Variants in SH3GLB1 observed in about 807,000 individuals in gnomAD.
SH3GLB1 encodes the protein SH3 domain containing GRB2 like, endophilin B1.
A neutral mutation model predicts 42.0 loss-of-function variants in SH3GLB1; 17 were observed. The observed-to-expected ratio is 0.40, with a 90% CI of 0.28 to 0.61. The LOEUF (loss-of-function observed/expected upper bound fraction) is 0.61. Ranked by LOEUF, SH3GLB1 falls within the 20% of genes least tolerant of loss-of-function variation. The probability of loss-of-function intolerance (pLI) is 0.36; values close to 1 mark genes in which losing one functional copy is unlikely to be tolerated. For missense variants in SH3GLB1, 355 were observed against 426.3 expected, an observed-to-expected ratio of 0.83 and a Z score of 1.47; for synonymous variants, 132 against 146.6, an observed-to-expected ratio of 0.90 and a Z score of 0.72.
In SH3GLB1 at chr1:86,704,883, C is replaced by T. The variant is rs1017746037; in HGVS notation, c.-17C>T. The T allele has an allele frequency of 2.6e-6, 4 of 1,555,310 alleles. No individual in the cohort carries two copies. ...GCCGCCGCTAGGTCGGCCGGCTCCGCCCGGCTGCCGCCTAGGATGAATATC... is the reference window on the plus strand; with the variant it reads ...GCCGCCGCTAGGTCGGCCGGCTCCGTCCGGCTGCCGCCTAGGATGAATATC... On this transcript the variant is annotated 5_prime_UTR_variant, in exon 1 of 9. Coordinates refer to ENST00000370558, the MANE Select transcript of SH3GLB1 (RefSeq NM_016009.5).
intron 3 of SH3GLB1, among the ~76,000 whole-genome samples, chr1:86,720,834 A>G (rs56327623): frequency 0.018 from 2,800 of 152,338 alleles, 35 homozygotes; most frequent in Non-Finnish European, 0.028. Flanking sequence ...AGGCTTTTTT[A>G]GGTACACAAC....
At position 86,704,806 on chromosome 1, in the gene SH3GLB1, G is replaced by C. The variant is rs1653720752; in HGVS notation, c.-94G>C. ...CCGCCTCCCTCCACCTACCACGTCT[G>C]CCCTCGCCGCTCTAGCCCTGCGCCC... On this transcript the variant is annotated 5_prime_UTR_variant, in exon 1 of 9. Transcript: ENST00000370558. 5.6e-6 allele frequency: 4 copies of C among 712,314 alleles called. No individual in the cohort carries two copies. Among genetic ancestry groups the C allele is most frequent in the Non-Finnish European group, 8.9e-6 (4 of 447,476 alleles). 44.1% of individuals were successfully genotyped at this position (712,314 alleles called of 1,614,324 possible).
chr1:86,716,762 C>A (rs1211378651), intron 2 of SH3GLB1, among the ~76,000 whole-genome samples: 1 of 152,182 alleles, frequency 6.6e-6, no homozygotes, highest in Admixed American at 6.5e-5. Flanking sequence ...GGAAATTGGA[C>A]TAGAACCGGG....
intron 5 of SH3GLB1, among the ~76,000 whole-genome samples, chr1:86,724,912 T>TATATATATATATATATAA (rs1380448898): frequency 3.6e-4 from 44 of 123,032 alleles, no homozygotes; most frequent in African/African-American, 1.5e-3. Context: ...TATATATATA[T>TATATATATATATATATAA]AAAATATATA....
At chr1:86,729,443 G>A (rs1655388231) in intron 5 of SH3GLB1, among the ~76,000 whole-genome samples, 1 of 152,006 alleles carries the variant, frequency 6.6e-6, no homozygotes, top group Non-Finnish European at 1.5e-5. Context: ...GCAAGAGAAT[G>A]CATTAATGTG....
chr1:86,723,744 A>AT (rs1201131361), intron 4 of SH3GLB1, among the ~76,000 whole-genome samples: 1 of 152,254 alleles, frequency 6.6e-6, no homozygotes, highest in African/African-American at 2.4e-5. Flanking sequence ...GCTATGACAC[A>AT]TTAAGTGCAG....
rs1653723631 is a variant in SH3GLB1 at position 86,704,825 on chromosome 1, T to TGCGCCCCAGCCCGGCCGCG, written c.-72_-54dup. ...ACGTCTGCCCTCGCCGCTCTAGCCC[T>TGCGCCCCAGCCCGGCCGCG]GCGCCCCAGCCCGGCCGCGGCACCT... On this transcript the variant is annotated 5_prime_UTR_variant, in exon 1 of 9. Coordinates refer to ENST00000370558, the MANE Select transcript of SH3GLB1 (RefSeq NM_016009.5). 1 of 1,010,164 alleles carries TGCGCCCCAGCCCGGCCGCG rather than the reference T, an allele frequency of 9.9e-7. No individual in the cohort carries two copies. The highest frequency in any genetic ancestry group is 1.4e-6 in the Non-Finnish European group (1 of 691,584). The allele number at this position is 1,010,164 out of a possible 1,614,324, so 62.6% of individuals were successfully genotyped here. A position where few individuals can be genotyped will look rare whatever the true frequency, so the allele number is the denominator to read the frequency against.
chr1:86,737,064 CAT>C (rs766133067), intron 7 of SH3GLB1, among the ~76,000 whole-genome samples: 22 of 152,284 alleles, frequency 1.4e-4, no homozygotes, highest in Admixed American at 2.6e-4. Context: ...CCAGACACCT[CAT>C]GTGTATTATT....
chr1:86,722,475 C>A, intron 3 of SH3GLB1, 65 bp from the exon 4 acceptor site: 1 of 1,449,698 alleles, frequency 6.9e-7, no homozygotes, highest in Non-Finnish European at 9.2e-7. Context: ...GCTGATTTAT[C>A]TTTACATGAT....
intron 6 of SH3GLB1, 89 bp downstream of exon 6, chr1:86,734,780 A>T: frequency 2.4e-6 from 2 of 846,148 alleles, no homozygotes; most frequent in Non-Finnish European, 3.9e-6. Flanking sequence ...CTTTTCAGTC[A>T]TTCATCAAGG....
intron 1 of SH3GLB1, among the ~76,000 whole-genome samples, chr1:86,710,266 A>AT (rs34909531): frequency 1.6e-3 from 239 of 145,960 alleles, no homozygotes; most frequent in Non-Finnish European, 1.8e-3. Flanking sequence ...TCTTGAAAGA[A>AT]TTTTTTTTTT....
chr1:86,712,931 C>T (rs1459280716), intron 1 of SH3GLB1, among the ~76,000 whole-genome samples: 1 of 151,920 alleles, frequency 6.6e-6, no homozygotes, highest in Non-Finnish European at 1.5e-5. Flanking sequence ...TATTGAGATA[C>T]CTGGGAGGTA....
intron 7 of SH3GLB1, among the ~76,000 whole-genome samples, chr1:86,736,541 C>T (rs557830204): frequency 6.6e-6 from 1 of 152,312 alleles, no homozygotes; most frequent in East Asian, 1.9e-4. Context: ...ATCATTATAA[C>T]TATTTTAAGC....
intron 5 of SH3GLB1, among the ~76,000 whole-genome samples, chr1:86,725,702 G>A (rs1320659788): frequency 6.6e-6 from 1 of 152,054 alleles, no homozygotes; most frequent in Admixed American, 6.5e-5. Flanking sequence ...TCTCTTGTTT[G>A]GGAGATAAAA....
intron 1 of SH3GLB1, among the ~76,000 whole-genome samples, chr1:86,705,565 G>A (rs1031118252): frequency 2.6e-5 from 4 of 152,224 alleles, no homozygotes; most frequent in African/African-American, 9.6e-5. Flanking sequence ...AGAAACCTAG[G>A]GTTGGGGGGT....
intron 7 of SH3GLB1, among the ~76,000 whole-genome samples, chr1:86,741,006 GATA>G (rs1656033871): frequency 6.6e-6 from 1 of 152,096 alleles, no homozygotes; most frequent in South Asian, 2.1e-4. Flanking sequence ...GATAAAATAT[GATA>G]ATGTGGGAGG....
At chr1:86,731,279 G>A (rs1655495931) in intron 5 of SH3GLB1, among the ~76,000 whole-genome samples, 2 of 152,222 alleles carry the variant, frequency 1.3e-5, no homozygotes, top group African/African-American at 2.4e-5. Flanking sequence ...ACTGGGGACT[G>A]AGGACAGGTG....
intron 7 of SH3GLB1, among the ~76,000 whole-genome samples, chr1:86,739,623 A>G (rs751361816): frequency 2.0e-5 from 3 of 152,196 alleles, no homozygotes; most frequent in Non-Finnish European, 4.4e-5. Context: ...GGAATGAGGC[A>G]GTAGTCGGAG....
intron 7 of SH3GLB1, among the ~76,000 whole-genome samples, chr1:86,738,980 G>A (rs1439372371): frequency 6.6e-6 from 1 of 152,228 alleles, no homozygotes; most frequent in Non-Finnish European, 1.5e-5. Flanking sequence ...AGAATGGGGA[G>A]TTGTAGATAG....
Sources: gnomAD v4.1 joint callset for allele counts (sites outside exome capture counted in the v4.1 genomes callset) on GRCh38, gnomAD v4.1.1 for gene constraint, MANE v1.5 for transcripts, NCBI Gene and HGNC (gene_info 2026-07-23, HGNC 2026-07-21) for gene names.